The following FAM114A2 variants were observed in gnomAD, a reference collection of about 807,000 sequenced individuals.
FAM114A2 encodes protein FAM114A2.
Under a neutral mutation model 58.4 loss-of-function variants are expected in FAM114A2, and 53 were observed. The ratio of observed to expected loss-of-function variants is 0.91; its 90% confidence interval spans 0.73 to 1.14. The LOEUF is 1.14. FAM114A2 is among the 50% of genes most tolerant of loss of function. FAM114A2 has a pLI of 0.00. For synonymous variants in FAM114A2, 228 were observed against 211.4 expected (o/e 1.08, Z -0.68); for missense variants, 601 against 581.1 (o/e 1.03, Z -0.35).
intron 8 of FAM114A2, among the ~76,000 whole-genome samples, chr5:154,019,980 G>A (rs1223308683): frequency 6.6e-6 from 1 of 152,108 alleles, no homozygotes; most frequent in Non-Finnish European, 1.5e-5. Context: ...TTAGAACTCA[G>A]GATTAAGAAA....
Position 154,029,575 on chromosome 5 carries a change from T to C in FAM114A2, c.409A>G (p.Thr137Ala). The C allele has an allele frequency of 6.3e-7, 1 of 1,594,070 alleles. No homozygotes were observed. The stretch of plus-strand genomic sequence containing the variant: ...GAGTTTTCATTCTCTTTGGCATTTG[T>C]CTCTCCTACAAGAGGGAGGGGATGT... ...STEVKYVAGE[T>A]NAKENENSSP... Residue 137 changes from threonine (T) to alanine (A), a missense_variant, in exon 5 of 14, where the codon ACA becomes GCA. Coordinates refer to ENST00000351797, the MANE Select transcript of FAM114A2 (RefSeq NM_018691.4).
chr5:154,035,690 T>C (rs1444934127), intron 1 of FAM114A2, among the ~76,000 whole-genome samples: 4 of 152,242 alleles, frequency 2.6e-5, no homozygotes, highest in African/African-American at 9.6e-5. Context: ...ATCATTTCTC[T>C]GGGGTAAATG....
intron 9 of FAM114A2, among the ~76,000 whole-genome samples, chr5:154,004,029 G>A (rs1477360044): frequency 2.6e-5 from 4 of 152,126 alleles, no homozygotes; most frequent in Admixed American, 2.0e-4. Context: ...GTTTTGTACA[G>A]GAGCAATAGG....
chr5:154,037,507 T>C (rs1581850227), intron 1 of FAM114A2, among the ~76,000 whole-genome samples: 1 of 152,220 alleles, frequency 6.6e-6, no homozygotes, highest in African/African-American at 2.4e-5. Flanking sequence ...GCCTATCTAA[T>C]AGGAAAGACG....
At chr5:154,003,585 A>G (rs1435313435) in intron 9 of FAM114A2, among the ~76,000 whole-genome samples, 1 of 152,196 alleles carries the variant, frequency 6.6e-6, no homozygotes, top group Admixed American at 6.5e-5. Flanking sequence ...CGAAACCGTG[A>G]TCAAGATATA....
intron 8 of FAM114A2, among the ~76,000 whole-genome samples, chr5:154,016,221 GCCT>G (rs112709924): frequency 0.025 from 3,764 of 152,278 alleles, 102 homozygotes; most frequent in African/African-American, 0.063. Context: ...AACTTCCCCA[GCCT>G]TGTTAGAGAC....
chr5:153,999,609 A>C (rs1581764992), intron 11 of FAM114A2, among the ~76,000 whole-genome samples: 1 of 150,340 alleles, frequency 6.7e-6, no homozygotes, highest in African/African-American at 2.4e-5. Flanking sequence ...CTCCAGCCTG[A>C]GTGACACAGC....
At position 153,991,606 on chromosome 5, in the gene FAM114A2, T is replaced by A. The variant is rs543813565; in HGVS notation, c.*1370A>T. The stretch of plus-strand genomic sequence containing the variant: ...CTTTTTAAACCAAATTTATTTCTCT[T>A]CCTTGCTTACTAACTGACTCCTGCC... On this transcript the variant is annotated 3_prime_UTR_variant, in exon 14 of 14. Coordinates refer to ENST00000351797, the MANE Select transcript of FAM114A2 (RefSeq NM_018691.4). The A allele has an allele frequency of 6.6e-6, 1 of 152,282 alleles. No individual in the cohort carries two copies. Among genetic ancestry groups the A allele is most frequent in the Non-Finnish European group, 1.5e-5 (1 of 68,010 alleles). 9.4% of individuals were successfully genotyped at this position (152,282 alleles called of 1,614,324 possible).
At chr5:154,014,754 C>A (rs1770918251) in intron 8 of FAM114A2, among the ~76,000 whole-genome samples, 1 of 152,118 alleles carries the variant, frequency 6.6e-6, no homozygotes, top group Admixed American at 6.5e-5. Context: ...GAGAAGGAAA[C>A]CTCCAGTTGA....
intron 1 of FAM114A2, chr5:154,036,730 A>G (rs2113527801): frequency 6.6e-6 from 1 of 152,350 alleles, no homozygotes; most frequent in Non-Finnish European, 1.5e-5. Flanking sequence ...ACCTGAAATA[A>G]GCCTAGAGTA....
chr5:154,008,100 A>C (rs1237206490), intron 9 of FAM114A2, among the ~76,000 whole-genome samples: 1 of 152,224 alleles, frequency 6.6e-6, no homozygotes, highest in Non-Finnish European at 1.5e-5. Flanking sequence ...CACAAGGCTA[A>C]GTGAAAAAAG....
At chr5:154,037,956 T>C (rs144143648) in intron 1 of FAM114A2, among the ~76,000 whole-genome samples, 152 of 152,300 alleles carry the variant, frequency 1.0e-3, no homozygotes, top group African/African-American at 3.3e-3. Flanking sequence ...TGGTGATGGT[T>C]GTTTATATTA....
chr5:154,002,810 C>T (rs1480004407), intron 10 of FAM114A2, 37 bp downstream of exon 10: 1 of 1,612,374 alleles, frequency 6.2e-7, no homozygotes, highest in Non-Finnish European at 8.5e-7. Flanking sequence ...TTCAAATCTA[C>T]TAAAACAAAC....
At chr5:154,021,062 C>T (rs546539751) in intron 8 of FAM114A2, among the ~76,000 whole-genome samples, 14 of 152,236 alleles carry the variant, frequency 9.2e-5, no homozygotes, top group East Asian at 5.8e-4. Flanking sequence ...ATTATCTCAA[C>T]AGATGCAGAA....
chr5:154,019,370 A>G (rs1184160040), intron 8 of FAM114A2, among the ~76,000 whole-genome samples: 1 of 152,226 alleles, frequency 6.6e-6, no homozygotes, highest in Non-Finnish European at 1.5e-5. Context: ...AACACTGCTG[A>G]AAGAAATCAT....
intron 2 of FAM114A2, 26 bp downstream of exon 2, chr5:154,034,718 C>G: frequency 1.3e-6 from 2 of 1,495,230 alleles, no homozygotes; most frequent in East Asian, 2.3e-5. Flanking sequence ...TAATAGATAC[C>G]CTACTTTTTC....
intron 1 of FAM114A2, chr5:154,038,146 C>T (rs1460812648): frequency 1.3e-5 from 2 of 152,124 alleles, no homozygotes; most frequent in African/African-American, 4.8e-5. Flanking sequence ...TGTAGTTTCT[C>T]CTCCAGTTAT....
chr5:154,017,915 A>G (rs1039388664), intron 8 of FAM114A2, among the ~76,000 whole-genome samples: 1 of 152,154 alleles, frequency 6.6e-6, no homozygotes, highest in Non-Finnish European at 1.5e-5. Flanking sequence ...CCTCTGGGAT[A>G]CTGCTAGGAG....
In FAM114A2 at chr5:154,026,507, T is replaced by C; in HGVS notation, c.805A>G (p.Asn269Asp). Reference sequence around the variant, plus strand: ...TCTAATTCTTCTCCACTCAGAGAATTAAGGATAGATTTCACCTGAATGGAT... The same window carrying C: ...TCTAATTCTTCTCCACTCAGAGAATCAAGGATAGATTTCACCTGAATGGAT... ...ESEIKVKSIL[N>D]SLSGEELETL... The change falls in exon 8 of 14, where the codon AAT becomes GAT. Residue 269 changes from asparagine (N) to aspartate (D), a missense_variant. By Grantham distance (23) the Asn-to-Asp change is conservative. Transcript: ENST00000351797. The C allele has an allele frequency of 6.5e-7, 1 of 1,530,312 alleles. No homozygotes were observed. Among genetic ancestry groups the C allele is most frequent in the Middle Eastern group, 1.8e-4 (1 of 5,686 alleles). 94.8% of individuals were successfully genotyped at this position (1,530,312 alleles called of 1,614,324 possible).
Sources: allele counts gnomAD v4.1 joint callset (sites outside exome capture counted in the v4.1 genomes callset), GRCh38; gene constraint gnomAD v4.1.1; transcripts MANE v1.5; gene names NCBI Gene and HGNC (gene_info 2026-07-23, HGNC 2026-07-21).